Variants in CCSER1 observed in about 807,000 individuals in gnomAD.
CCSER1 encodes the protein coiled-coil serine rich protein 1.
A neutral mutation model predicts 82.0 loss-of-function variants in CCSER1; 41 were observed. That is an observed-to-expected ratio of 0.50 (90% CI 0.39 to 0.65). The LOEUF is 0.65. CCSER1 is among the 30% of genes least tolerant of loss of function. The pLI, the probability that CCSER1 is intolerant of heterozygous loss-of-function variation, is 0.00. For synonymous variants in CCSER1, 414 were observed against 383.9 expected (o/e 1.08, Z -0.92); for missense variants, 1,119 against 1,064.2 (o/e 1.05, Z -0.72).
intron 5 of CCSER1, among the ~76,000 whole-genome samples, chr4:90,538,987 C>T (rs1312480408): frequency 1.3e-5 from 2 of 151,840 alleles, no homozygotes; most frequent in Non-Finnish European, 2.9e-5. Flanking sequence ...CAAATAATTT[C>T]TTTGTATGGA....
intron 10 of CCSER1, among the ~76,000 whole-genome samples, chr4:91,238,768 A>G (rs1739214672): frequency 6.6e-6 from 1 of 152,188 alleles, no homozygotes; most frequent in South Asian, 2.1e-4. Flanking sequence ...TAGACCAGAA[A>G]ATTCATAAAA....
intron 9 of CCSER1, among the ~76,000 whole-genome samples, chr4:90,999,496 C>A (rs1280953029): frequency 6.6e-6 from 1 of 152,046 alleles, no homozygotes; most frequent in Non-Finnish European, 1.5e-5. Flanking sequence ...GATGAACATT[C>A]TTTTATACAT....
intron 1 of CCSER1, among the ~76,000 whole-genome samples, chr4:90,268,022 C>A (rs541821359): frequency 6.3e-4 from 96 of 152,228 alleles, no homozygotes; most frequent in Non-Finnish European, 1.2e-3. Flanking sequence ...AGGAAAAAAA[C>A]CTTTTACCCT....
chr4:90,173,780 G>A (rs17205805), intron 1 of CCSER1, among the ~76,000 whole-genome samples: 44,462 of 151,726 alleles, frequency 0.29, 7,947 homozygotes, highest in Non-Finnish European at 0.4. Context: ...AACATTTAAG[G>A]TCATCTTCAT....
At chr4:91,460,239 T>C (rs1756429806) in intron 10 of CCSER1, among the ~76,000 whole-genome samples, 2 of 152,172 alleles carry the variant, frequency 1.3e-5, no homozygotes, top group Non-Finnish European at 2.9e-5. Flanking sequence ...ATATTGATAA[T>C]TCGTAGGGAT....
intron 3 of CCSER1, among the ~76,000 whole-genome samples, chr4:90,377,973 C>T (rs1197305395): frequency 6.6e-6 from 1 of 152,054 alleles, no homozygotes; most frequent in Non-Finnish European, 1.5e-5. Context: ...CTCTAATTCT[C>T]CTAGTCATTT....
At chr4:91,094,173 C>T (rs1244126520) in intron 10 of CCSER1, among the ~76,000 whole-genome samples, 1 of 152,182 alleles carries the variant, frequency 6.6e-6, no homozygotes, top group East Asian at 1.9e-4. Context: ...TGGAGCAAGA[C>T]ACAGCCTAGG....
At chr4:90,700,011 A>C (rs1737742215) in intron 6 of CCSER1, among the ~76,000 whole-genome samples, 4 of 151,518 alleles carry the variant, frequency 2.6e-5, no homozygotes, top group Admixed American at 2.6e-4. Context: ...ATTATACTTT[A>C]AGTTCTAGGG....
intron 9 of CCSER1, among the ~76,000 whole-genome samples, chr4:91,080,264 C>A (rs971806764): frequency 1.3e-5 from 2 of 152,166 alleles, no homozygotes; most frequent in African/African-American, 4.8e-5. Flanking sequence ...TTAAGAAACT[C>A]ACTCAAAACC....
intron 1 of CCSER1, among the ~76,000 whole-genome samples, chr4:90,202,821 A>C (rs1358000874): frequency 1.3e-5 from 2 of 152,220 alleles, no homozygotes; most frequent in African/African-American, 4.8e-5. Flanking sequence ...TCATTTATAG[A>C]AATGCATTTT....
At chr4:90,227,963 G>C (rs1171907043) in intron 1 of CCSER1, among the ~76,000 whole-genome samples, 1 of 152,236 alleles carries the variant, frequency 6.6e-6, no homozygotes, top group African/African-American at 2.4e-5. Flanking sequence ...ACCTGGCTCG[G>C]AGGGTCCTAC....
chr4:90,458,114 G>A (rs1417485584), intron 4 of CCSER1, among the ~76,000 whole-genome samples: 3 of 152,096 alleles, frequency 2.0e-5, no homozygotes, highest in Admixed American at 1.3e-4. Flanking sequence ...TGAGATCAGG[G>A]GAATTCCTGG....
chr4:90,647,767 G>A (rs1350305787), intron 6 of CCSER1, among the ~76,000 whole-genome samples: 4 of 152,246 alleles, frequency 2.6e-5, no homozygotes, highest in Non-Finnish European at 2.9e-5. Context: ...TTTATGATAA[G>A]TTTAAATGGA....
At chr4:91,559,251 T>C (rs1448209835) in intron 10 of CCSER1, among the ~76,000 whole-genome samples, 1 of 151,598 alleles carries the variant, frequency 6.6e-6, no homozygotes, top group Non-Finnish European at 1.5e-5. Flanking sequence ...ATTTCTTATT[T>C]AAAATAATAT....
intron 4 of CCSER1, among the ~76,000 whole-genome samples, chr4:90,403,317 G>A (rs925197003): frequency 6.6e-6 from 1 of 151,690 alleles, no homozygotes; most frequent in Non-Finnish European, 1.5e-5. Flanking sequence ...GGCTAAAACG[G>A]TGAAACCCCG....
At chr4:90,718,636 G>T (rs1742112652) in intron 6 of CCSER1, among the ~76,000 whole-genome samples, 1 of 152,090 alleles carries the variant, frequency 6.6e-6, no homozygotes, top group African/African-American at 2.4e-5. Flanking sequence ...GAGAGATTTT[G>T]CATCTCAATA....
intron 8 of CCSER1, among the ~76,000 whole-genome samples, chr4:90,830,442 T>G (rs776414971): frequency 1.3e-5 from 2 of 152,162 alleles, no homozygotes; most frequent in Non-Finnish European, 2.9e-5. Flanking sequence ...TTCACTCAAA[T>G]TATTTCCCAC....
chr4:91,002,300 C>T (rs1002339840), intron 9 of CCSER1, among the ~76,000 whole-genome samples: 2 of 152,228 alleles, frequency 1.3e-5, no homozygotes. Context: ...GTCTAGGTCT[C>T]TGGCAAGGCC....
chr4:91,108,159 C>G (rs1725806546), intron 10 of CCSER1: 1 of 152,192 alleles, frequency 6.6e-6, no homozygotes, highest in Non-Finnish European at 1.5e-5. Flanking sequence ...CTATATATTA[C>G]TGATCCAATG....
Sources: allele counts gnomAD v4.1 joint callset (sites outside exome capture counted in the v4.1 genomes callset), GRCh38; gene constraint gnomAD v4.1.1; transcripts MANE v1.5; gene names NCBI Gene and HGNC (gene_info 2026-07-23, HGNC 2026-07-21).